The following USP14 variants were observed in gnomAD, a reference collection of about 807,000 sequenced individuals.
USP14 encodes the protein ubiquitin carboxyl-terminal hydrolase 14.
A neutral mutation model predicts 76.5 loss-of-function variants in USP14; 38 were observed. The ratio of observed to expected loss-of-function variants is 0.50; its 90% CI spans 0.38 to 0.65. The LOEUF (loss-of-function observed/expected upper bound fraction) is 0.65, where lower values mean the gene tolerates loss of function less well. USP14 is among the 30% of genes least tolerant of loss of function. USP14 has a pLI of 0.00. For synonymous variants in USP14, 192 were observed against 191.7 expected (o/e 1.00, Z -0.01); for missense variants, 467 against 586.5 (o/e 0.80, Z 2.10).
chr18:172,818 T>TA (rs1909502942), intron 3 of USP14, among the ~76,000 whole-genome samples: 1 of 152,214 alleles, frequency 6.6e-6, no homozygotes, highest in Admixed American at 6.5e-5. Context: ...ATGATGTTTG[T>TA]ATGCACTGGG....
In USP14 at chr18:171,025, A is replaced by AAAAT. The variant is rs1327304974; in HGVS notation, c.195+4207_195+4208insAATA. Reference sequence around the variant, plus strand: ...CCTGGAACTTAAAAAAAAAAAAAAAAATATATATATATATATATATATATA... The same window carrying AAAAT: ...CCTGGAACTTAAAAAAAAAAAAAAAAAAATATATATATATATATATATATATATA... On this transcript the variant is annotated intron_variant, in intron 3 of 15. Coordinates refer to ENST00000261601, the MANE Select transcript of USP14 (RefSeq NM_005151.4). Among the ~76,000 whole-genome samples, 67 of 47,650 alleles carry AAAAT rather than the reference A, an allele frequency of 1.4e-3. No homozygotes were observed. In the East Asian group the frequency reaches 0.021, roughly 15 times the overall value. The allele number at this position is 47,650 out of a possible 152,430, so 31.3% of individuals were successfully genotyped here.
chr18:203,311 C>T, intron 12 of USP14, 121 bp downstream of exon 12: 1 of 862,160 alleles, frequency 1.2e-6, no homozygotes, highest in Non-Finnish European at 1.8e-6. Flanking sequence ...TTTAGGGGAG[C>T]TAATATTAGA....
At chr18:202,782 G>A in intron 10 of USP14, 98 bp from the exon 11 acceptor site, 2 of 1,119,754 alleles carry the variant, frequency 1.8e-6, no homozygotes, top group South Asian at 2.7e-5. Flanking sequence ...TGCCTCTTAG[G>A]TAGTGCTAGT....
chr18:184,895 G>A (rs1311467934), intron 5 of USP14, among the ~76,000 whole-genome samples: 1 of 152,172 alleles, frequency 6.6e-6, no homozygotes, highest in Non-Finnish European at 1.5e-5. Context: ...AGCCACAGGT[G>A]AAAATAAGGT....
Position 192,823 on chromosome 18 carries a change from T to G in USP14, c.405-19T>G. On this transcript the variant is annotated intron_variant, in intron 5 of 15. Transcript: ENST00000261601. ...AATGAATTGAATTCTATTGTTTAAC[T>G]CGGCTTTAATGTTCCTAGGTATGCA... 1.2e-6 allele frequency: 2 copies of G among 1,612,966 alleles called. No homozygotes were observed. The highest frequency in any genetic ancestry group is 8.5e-7 in the Non-Finnish European group (1 of 1,179,410).
Position 180,319 on chromosome 18 carries a change from A to G in USP14, c.384A>G (p.Glu128=). 2 of 1,589,704 alleles carry G rather than the reference A, an allele frequency of 1.3e-6. No individual in the cohort carries two copies. Among genetic ancestry groups the G allele is most frequent in the South Asian group, 1.2e-5 (1 of 84,688 alleles). Reference sequence around the variant, plus strand: ...TTCAGTGTATTCGTTCTGTGCCTGAACTCAAAGATGCCCTTAAAAGGTAAG... The same window carrying G: ...TTCAGTGTATTCGTTCTGTGCCTGAGCTCAAAGATGCCCTTAAAAGGTAAG... ...ATVQCIRSVP[E]LKDALKRYAG... Residue 128 remains glutamate, a synonymous_variant, in exon 5 of 16, where the codon GAA becomes GAG. Coordinates refer to ENST00000261601, the MANE Select transcript of USP14 (RefSeq NM_005151.4).
chr18:179,072 A>G (rs1007874491), intron 4 of USP14, 35 bp downstream of exon 4: 13 of 1,483,864 alleles, frequency 8.8e-6, no homozygotes, highest in Non-Finnish European at 2.8e-6. Flanking sequence ...TTTGATCACT[A>G]CTTTTTGAAG....
At chr18:162,343 C>T (rs1405880433) in intron 1 of USP14, among the ~76,000 whole-genome samples, 1 of 152,192 alleles carries the variant, frequency 6.6e-6, no homozygotes, top group Non-Finnish European at 1.5e-5. Context: ...TTCTCCACAT[C>T]TTTGCTAACA....
In USP14 at chr18:211,822, G is replaced by C. The variant is rs1910677277; in HGVS notation, c.*538G>C. The C allele has an allele frequency of 6.6e-6, 1 of 152,618 alleles. No homozygotes were observed. The highest frequency in any genetic ancestry group is 2.4e-5 in the African/African-American group (1 of 41,430). The allele number at this position is 152,618 out of a possible 1,614,324, so 9.5% of individuals were successfully genotyped here. A position where few individuals can be genotyped will look rare whatever the true frequency, so the allele number is the denominator to read the frequency against. Reference sequence around the variant, plus strand: ...GAAACATGGGCACAATCAAGTATTTGTCCAGCCTATTGCAGGCTTTTCCTG... The same window carrying C: ...GAAACATGGGCACAATCAAGTATTTCTCCAGCCTATTGCAGGCTTTTCCTG... On this transcript the variant is annotated 3_prime_UTR_variant, in exon 16 of 16. Coordinates refer to ENST00000261601, the MANE Select transcript of USP14 (RefSeq NM_005151.4).
At chr18:186,701 G>A (rs1199372393) in intron 5 of USP14, among the ~76,000 whole-genome samples, 1 of 151,974 alleles carries the variant, frequency 6.6e-6, no homozygotes, top group African/African-American at 2.4e-5. Flanking sequence ...GCAGTGAGCC[G>A]AGATTGCACC....
intron 12 of USP14, among the ~76,000 whole-genome samples, chr18:203,487 T>A (rs1910440611): frequency 6.6e-6 from 1 of 152,066 alleles, no homozygotes; most frequent in African/African-American, 2.4e-5. Context: ...TTCTGATGGC[T>A]CTCCTGCACT....
intron 3 of USP14, among the ~76,000 whole-genome samples, chr18:177,063 G>A (rs495284): frequency 0.95 from 145,242 of 152,180 alleles, 69,675 homozygotes; most frequent in East Asian, 1. Flanking sequence ...CAAGTCCAGA[G>A]CTTGTCATGT....
chr18:167,726 G>A (rs984891814), intron 3 of USP14, among the ~76,000 whole-genome samples: 4 of 151,936 alleles, frequency 2.6e-5, no homozygotes, highest in Non-Finnish European at 5.9e-5. Flanking sequence ...ATGTTGCCCA[G>A]GCTGGTCTTG....
chr18:183,654 CCTT>C (rs1436746487), intron 5 of USP14, among the ~76,000 whole-genome samples: 1 of 151,770 alleles, frequency 6.6e-6, no homozygotes, highest in Non-Finnish European at 1.5e-5. Context: ...CTTATCATGA[CCTT>C]CTGTTCTTTT....
chr18:170,296 T>A (rs1009240868), intron 3 of USP14, among the ~76,000 whole-genome samples: 2 of 152,198 alleles, frequency 1.3e-5, no homozygotes, highest in East Asian at 1.9e-4. Context: ...AGAGCGAGAC[T>A]CTGTCTCAAA....
intron 2 of USP14, 93 bp downstream of exon 2, chr18:163,546 T>A: frequency 7.1e-7 from 1 of 1,413,784 alleles, no homozygotes; most frequent in South Asian, 1.5e-5. Context: ...ATGTAGCATT[T>A]GAAGTGCTTT....
At chr18:196,854 T>C (rs1166028791) in intron 7 of USP14, 87 bp downstream of exon 7, 1 of 1,515,712 alleles carries the variant, frequency 6.6e-7, no homozygotes, top group Non-Finnish European at 9.0e-7. Context: ...TAGTTCGAAA[T>C]ATAAACATCA....
chr18:188,820 G>C (rs987538073), intron 5 of USP14, among the ~76,000 whole-genome samples: 1 of 151,796 alleles, frequency 6.6e-6, no homozygotes, highest in Non-Finnish European at 1.5e-5. Context: ...TGGGATTACA[G>C]GCACCCGCCA....
chr18:192,907 A>G lies in USP14; in HGVS notation c.463+7A>G, dbSNP rs2143053053. On this transcript the variant is annotated splice_region_variant and intron_variant, in intron 6 of 15. Coordinates refer to ENST00000261601, the MANE Select transcript of USP14 (RefSeq NM_005151.4). ...GCGCAGTATATTACTGCAGGTTTGT[A>G]TACTAAATATACTACTTTTTGATAG... 6.2e-7 allele frequency: 1 copy of G among 1,608,968 alleles called. No homozygotes were observed. Among genetic ancestry groups the G allele is most frequent in the South Asian group, 1.1e-5 (1 of 90,272 alleles).
Sources: allele counts gnomAD v4.1 joint callset (sites outside exome capture counted in the v4.1 genomes callset), GRCh38; gene constraint gnomAD v4.1.1; transcripts MANE v1.5; gene names NCBI Gene and HGNC (gene_info 2026-07-23, HGNC 2026-07-21).